ZC3H12B: variants seen among roughly 807,000 people sequenced by gnomAD.
ZC3H12B encodes the protein zinc finger CCCH-type containing 12B.
In ZC3H12B, 7 loss-of-function variants were observed where a neutral mutation model predicts 43.9. That is an observed-to-expected ratio of 0.16 (90% CI 0.09 to 0.30). The LOEUF (loss-of-function observed/expected upper bound fraction) is 0.30. Ranked by LOEUF, ZC3H12B falls within the 10% of genes least tolerant of loss-of-function variation. The pLI is 1.00. For missense variants in ZC3H12B, 475 were observed against 670.2 expected (o/e 0.71, Z 3.22); for synonymous variants, 222 against 241.7 (o/e 0.92, Z 0.76).
chrX:65,333,909 A>G, the ZC3H12B span, among the ~76,000 whole-genome samples: 2 of 111,991 alleles, frequency 1.8e-5, no homozygotes, highest in African/African-American at 3.2e-5. Context: ...AGTAAGTCAT[A>G]TCAGAATTAT....
the ZC3H12B span, among the ~76,000 whole-genome samples, chrX:65,123,957 C>T: frequency 9.0e-6 from 1 of 110,557 alleles, no homozygotes; most frequent in Admixed American, 9.7e-5. Context: ...TTGACTTCCT[C>T]GTTACTGATT....
the ZC3H12B span, among the ~76,000 whole-genome samples, chrX:65,215,797 G>T: frequency 9.0e-6 from 1 of 111,678 alleles, no homozygotes; most frequent in Non-Finnish European, 1.9e-5. Context: ...AAGTGTAATC[G>T]TCTCTAGCCT....
chrX:65,170,248 G>C, the ZC3H12B span, among the ~76,000 whole-genome samples: 2 of 111,259 alleles, frequency 1.8e-5, no homozygotes, highest in African/African-American at 3.3e-5. Context: ...AAATCTCTCA[G>C]CACTTGTTTG....
chrX:65,354,017 A>G, the ZC3H12B span, among the ~76,000 whole-genome samples: 1 of 111,586 alleles, frequency 9.0e-6, no homozygotes, highest in Non-Finnish European at 1.9e-5. Flanking sequence ...ACCTAGGGGA[A>G]GGGGCGGTTG....
the ZC3H12B span, among the ~76,000 whole-genome samples, chrX:65,197,130 G>A: frequency 3.6e-5 from 4 of 112,139 alleles, no homozygotes; most frequent in Non-Finnish European, 7.5e-5. Flanking sequence ...CTGGGGAAAG[G>A]CAAAAGGCGC....
the ZC3H12B span, among the ~76,000 whole-genome samples, chrX:65,330,354 A>G: frequency 5.4e-5 from 6 of 111,598 alleles, no homozygotes; most frequent in East Asian, 1.7e-3. Context: ...CTGCAAACAG[A>G]GACAATTTGA....
chrX:65,426,498 C>A (rs752597465), intron 3 of ZC3H12B, among the ~76,000 whole-genome samples: 2 of 98,655 alleles, frequency 2.0e-5, no homozygotes, highest in South Asian at 9.6e-4. Context: ...TTGGTTATTT[C>A]TTGTCTCCTG....
At chrX:65,366,470 T>C (rs924293924), upstream of ZC3H12B, among the ~76,000 whole-genome samples, 1 of 112,555 alleles carries the variant, frequency 8.9e-6, no homozygotes, top group Non-Finnish European at 1.9e-5. Context: ...CCTCTCTCTT[T>C]CTGTCTGTCT....
At chrX:65,486,543 A>G (rs1189663140), upstream of ZC3H12B, among the ~76,000 whole-genome samples, 1 of 112,571 alleles carries the variant, frequency 8.9e-6, no homozygotes, top group Non-Finnish European at 1.9e-5. Flanking sequence ...GTTTTAGGAA[A>G]GATCACCAAC....
chrX:65,364,396 G>T (rs1373814356), upstream of ZC3H12B, among the ~76,000 whole-genome samples: 48 of 102,327 alleles, frequency 4.7e-4, no homozygotes, highest in African/African-American at 1.6e-3. Flanking sequence ...TCTTCTCAAG[G>T]TAGCTTTACT....
At chrX:65,212,376 G>A in the ZC3H12B span, among the ~76,000 whole-genome samples, 10,159 of 43,298 alleles carry the variant, frequency 0.23, 3,393 homozygotes, top group African/African-American at 0.84. Context: ...ATTACATATT[G>A]TATAATATGT....
At chrX:65,211,960 A>C in the ZC3H12B span, among the ~76,000 whole-genome samples, 1 of 70,664 alleles carries the variant, frequency 1.4e-5, no homozygotes, top group Non-Finnish European at 2.3e-5. Flanking sequence ...ATAATATATA[A>C]TATATGTTAT....
At chrX:65,153,916 T>A in the ZC3H12B span, among the ~76,000 whole-genome samples, 1 of 111,091 alleles carries the variant, frequency 9.0e-6, no homozygotes, top group Admixed American at 9.6e-5. Context: ...AATGATGAGT[T>A]CATGTCCTTT....
chrX:65,315,700 A>T, the ZC3H12B span, among the ~76,000 whole-genome samples: 2 of 112,314 alleles, frequency 1.8e-5, no homozygotes, highest in African/African-American at 3.2e-5. Context: ...TTGAAGGAAC[A>T]TCAGGCCACA....
the ZC3H12B span, among the ~76,000 whole-genome samples, chrX:65,263,990 A>T: frequency 0.011 from 1,256 of 111,521 alleles, 6 homozygotes; most frequent in South Asian, 0.035. Flanking sequence ...ATAAAAAAAG[A>T]ATGAAATAAT....
the ZC3H12B span, among the ~76,000 whole-genome samples, chrX:65,220,755 G>A: frequency 9.0e-6 from 1 of 111,523 alleles, no homozygotes; most frequent in Admixed American, 9.5e-5. Flanking sequence ...TAATAGTGTG[G>A]GTCTTCAGTA....
At chrX:65,260,776 A>C in the ZC3H12B span, among the ~76,000 whole-genome samples, 1 of 112,044 alleles carries the variant, frequency 8.9e-6, no homozygotes, top group Non-Finnish European at 1.9e-5. Context: ...AGTATAATAT[A>C]CTGAAAAGAA....
the ZC3H12B span, among the ~76,000 whole-genome samples, chrX:65,305,158 G>A: frequency 4.0e-3 from 446 of 111,532 alleles, 2 homozygotes; most frequent in African/African-American, 0.014. Context: ...TATACTTTAA[G>A]TTCTGGAATA....
At chrX:65,439,532 C>A (rs1306647823) in intron 3 of ZC3H12B, among the ~76,000 whole-genome samples, 1 of 111,702 alleles carries the variant, frequency 9.0e-6, no homozygotes, top group Admixed American at 9.5e-5. Context: ...GGGTCCAATC[C>A]TGTTTCCAAA....
Sources: allele counts gnomAD v4.1 joint callset (sites outside exome capture counted in the v4.1 genomes callset), GRCh38; gene constraint gnomAD v4.1.1; transcripts MANE v1.5; gene names NCBI Gene and HGNC (gene_info 2026-07-23, HGNC 2026-07-21).